Variants in PRKAR2A observed in about 807,000 individuals in gnomAD.
The protein encoded by PRKAR2A is cAMP-dependent protein kinase type II-alpha regulatory subunit.
PRKAR2A carries 29 observed loss-of-function variants against 51.9 expected under a neutral mutation model. That is an observed-to-expected ratio of 0.56 (90% CI 0.42 to 0.76). PRKAR2A has a LOEUF of 0.76. PRKAR2A is among the 30% of genes least tolerant of loss of function. The pLI is 0.00. For synonymous variants in PRKAR2A, 178 were observed against 186.2 expected, an observed-to-expected ratio of 0.96 and a Z score of 0.36; for missense variants, 445 against 512.1, an observed-to-expected ratio of 0.87 and a Z score of 1.26.
At chr3:48,780,586 G>T (rs1319660242) in intron 5 of PRKAR2A, among the ~76,000 whole-genome samples, 1 of 136,136 alleles carries the variant, frequency 7.3e-6, no homozygotes, top group East Asian at 2.1e-4. Flanking sequence ...CTGAGCGACA[G>T]AGCAAGACTC....
intron 1 of PRKAR2A, among the ~76,000 whole-genome samples, chr3:48,843,802 G>T (rs1575966286): frequency 6.6e-6 from 1 of 151,936 alleles, no homozygotes; most frequent in Non-Finnish European, 1.5e-5. Context: ...GCTGAAACTG[G>T]ATCCCTTCCT....
At chr3:48,778,319 TTTTTC>T (rs1400737082) in intron 5 of PRKAR2A, among the ~76,000 whole-genome samples, 1 of 151,612 alleles carries the variant, frequency 6.6e-6, no homozygotes, top group African/African-American at 2.4e-5. Context: ...ACCACATTCT[TTTTTC>T]TTTTCTTTTT....
chr3:48,761,265 G>C (rs1307173205), intron 8 of PRKAR2A, among the ~76,000 whole-genome samples: 1 of 152,092 alleles, frequency 6.6e-6, no homozygotes, highest in African/African-American at 2.4e-5. Flanking sequence ...CTGGGTGACA[G>C]AGGGAGACTC....
chr3:48,827,694 C>T (rs1434988196), intron 1 of PRKAR2A, among the ~76,000 whole-genome samples: 2 of 152,076 alleles, frequency 1.3e-5, no homozygotes, highest in Non-Finnish European at 2.9e-5. Context: ...GGAGTTATTT[C>T]GGGTGTAGTC....
At chr3:48,810,782 G>C (rs1361929851) in intron 1 of PRKAR2A, among the ~76,000 whole-genome samples, 1 of 152,016 alleles carries the variant, frequency 6.6e-6, no homozygotes, top group Non-Finnish European at 1.5e-5. Context: ...ATATTCAAAA[G>C]GGAGAAACAA....
At chr3:48,836,389 C>G (rs1318928147) in intron 1 of PRKAR2A, among the ~76,000 whole-genome samples, 1 of 128,304 alleles carries the variant, frequency 7.8e-6, no homozygotes. Context: ...ATTGTGCACT[C>G]CAGCCTGGGC....
At chr3:48,762,200 CT>C (rs1435132348) in intron 8 of PRKAR2A, among the ~76,000 whole-genome samples, 1 of 151,984 alleles carries the variant, frequency 6.6e-6, no homozygotes, top group Non-Finnish European at 1.5e-5. Context: ...GGGCAGATGG[CT>C]TGAGCTCAGG....
At chr3:48,804,038 A>C (rs986713162) in intron 2 of PRKAR2A, among the ~76,000 whole-genome samples, 1 of 152,188 alleles carries the variant, frequency 6.6e-6, no homozygotes, top group Non-Finnish European at 1.5e-5. Context: ...GAAGTTAATA[A>C]TCATGAACTG....
At chr3:48,754,996 CT>C (rs1279558575) in intron 9 of PRKAR2A, among the ~76,000 whole-genome samples, 1,470 of 125,780 alleles carry the variant, frequency 0.012, 7 homozygotes, top group South Asian at 0.025. Context: ...TACTTATTAA[CT>C]TTTTTTTTTT....
chr3:48,808,189 A>G (rs1270421824), intron 1 of PRKAR2A, among the ~76,000 whole-genome samples: 2 of 151,800 alleles, frequency 1.3e-5, no homozygotes, highest in Non-Finnish European at 2.9e-5. Context: ...CTGGGACTAC[A>G]GGCGCCCGCC....
intron 1 of PRKAR2A, among the ~76,000 whole-genome samples, chr3:48,811,312 A>G (rs766382091): frequency 3.9e-5 from 6 of 152,144 alleles, no homozygotes; most frequent in Admixed American, 1.3e-4. Flanking sequence ...ACAAAAACAA[A>G]CAAACAAAAT....
chr3:48,766,563 G>GT (rs2081946220), intron 6 of PRKAR2A, among the ~76,000 whole-genome samples: 1 of 151,530 alleles, frequency 6.6e-6, no homozygotes, highest in African/African-American at 2.4e-5. Context: ...TTGAAACTGT[G>GT]TCTCAAAAAA....
chr3:48,797,025 G>GATTT (rs1176692019), intron 2 of PRKAR2A, among the ~76,000 whole-genome samples: 2 of 151,802 alleles, frequency 1.3e-5, no homozygotes, highest in African/African-American at 4.8e-5. Flanking sequence ...TGTTTATTAG[G>GATTT]ATTTATTTAT....
chr3:48,755,521 C>T (rs951392143), intron 9 of PRKAR2A, among the ~76,000 whole-genome samples: 3 of 152,010 alleles, frequency 2.0e-5, no homozygotes, highest in African/African-American at 7.2e-5. Context: ...TCCTAGAGAC[C>T]TCTTCTAACA....
intron 1 of PRKAR2A, among the ~76,000 whole-genome samples, chr3:48,829,623 T>C (rs539190253): frequency 1.4e-5 from 2 of 138,572 alleles, no homozygotes; most frequent in African/African-American, 5.4e-5. Flanking sequence ...TGTGTATACG[T>C]GTGTATACAC....
intron 1 of PRKAR2A, among the ~76,000 whole-genome samples, chr3:48,810,985 C>T (rs1393448251): frequency 1.3e-5 from 2 of 151,660 alleles, no homozygotes; most frequent in African/African-American, 2.4e-5. Flanking sequence ...GAGACCAGCC[C>T]GCACAACATA....
intron 1 of PRKAR2A, among the ~76,000 whole-genome samples, chr3:48,815,342 T>TTA (rs199524869): frequency 1.3e-3 from 192 of 149,910 alleles, no homozygotes; most frequent in African/African-American, 4.1e-3. Flanking sequence ...ATTTTATATA[T>TTA]TATATATATA....
At chr3:48,835,466 C>A in intron 1 of PRKAR2A, among the ~76,000 whole-genome samples, 1 of 151,752 alleles carries the variant, frequency 6.6e-6, no homozygotes, top group East Asian at 1.9e-4. Flanking sequence ...ACGGTGAAAC[C>A]CCATCTATAC....
At chr3:48,789,166 G>A (rs1205801600) in intron 4 of PRKAR2A, among the ~76,000 whole-genome samples, 4 of 152,118 alleles carry the variant, frequency 2.6e-5, no homozygotes, top group African/African-American at 4.8e-5. Context: ...TGACAAAACC[G>A]CATGCTCTTC....
Sources: gnomAD v4.1 joint callset for allele counts (sites outside exome capture counted in the v4.1 genomes callset) on GRCh38, gnomAD v4.1.1 for gene constraint, MANE v1.5 for transcripts, NCBI Gene and HGNC (gene_info 2026-07-23, HGNC 2026-07-21) for gene names.